The following HTR1F variants were observed in gnomAD, a reference collection of about 807,000 sequenced individuals.
HTR1F encodes 5-hydroxytryptamine (serotonin) receptor 1F, G protein-coupled.
A neutral mutation model predicts 24.0 loss-of-function variants in HTR1F; 17 were observed. The ratio of observed to expected loss-of-function variants is 0.71; its 90% CI spans 0.48 to 1.06. The LOEUF (loss-of-function observed/expected upper bound fraction) is 1.06, where lower values mean the gene tolerates loss of function less well. HTR1F is among the 50% of genes least tolerant of loss of function. HTR1F has a pLI of 0.00. For missense variants in HTR1F, 391 were observed against 427.8 expected (o/e 0.91, Z 0.76); for synonymous variants, 186 against 156.8 (o/e 1.19, Z -1.39).
chr3:87,947,104 T>A (rs919531035), intron 2 of HTR1F, among the ~76,000 whole-genome samples: 1 of 152,230 alleles, frequency 6.6e-6, no homozygotes, highest in Non-Finnish European at 1.5e-5. Flanking sequence ...ATCTTTGAAT[T>A]CTTATTAAAA....
chr3:87,802,350 C>A lies in HTR1F; in HGVS notation c.-160+9508C>A, dbSNP rs551472608. 8.0e-5 allele frequency among the ~76,000 whole-genome samples: 10 copies of A among 125,588 alleles called. No individual in the cohort carries two copies. In the East Asian group the frequency reaches 2.4e-3, roughly 30 times the overall value. 82.4% of individuals were successfully genotyped at this position (125,588 alleles called of 152,430 possible). ...TTCTTTCCCTCTTTCTCTCTTTCTT[C>A]TTTTTTTTGAGACATGGTCTTGTTT... On this transcript the variant is annotated intron_variant, in intron 1 of 2. Coordinates refer to ENST00000319595, the MANE Select transcript of HTR1F (RefSeq NM_001322209.2).
chr3:87,918,475 C>T (rs1413747870), intron 2 of HTR1F, among the ~76,000 whole-genome samples: 1 of 152,028 alleles, frequency 6.6e-6, no homozygotes, highest in Non-Finnish European at 1.5e-5. Context: ...CTAGAAAACC[C>T]TAAAGACTGC....
chr3:87,897,743 A>G (rs1706233671), intron 2 of HTR1F, among the ~76,000 whole-genome samples: 3 of 151,864 alleles, frequency 2.0e-5, no homozygotes, highest in African/African-American at 7.3e-5. Flanking sequence ...TGTTTTATCC[A>G]CTTTTCATGT....
chr3:87,990,757 T>A lies in HTR1F; in HGVS notation c.8T>A (p.Phe3Tyr). ...TCTTTTAAAACAAAGAAAATGGATT[T>A]CTTAAATTCATCTGATCAAAACTTG... MD[F>Y]LNSSDQNLTS... Residue 3 changes from phenylalanine to tyrosine, a missense_variant, in exon 3 of 3, where the codon TTC (phenylalanine) becomes TAC (tyrosine). Phe to Tyr is a conservative substitution (Grantham distance 22, BLOSUM62 3). Transcript: ENST00000319595. The A allele has an allele frequency of 1.2e-6, 2 of 1,607,960 alleles. No homozygotes were observed. The highest frequency in any genetic ancestry group is 1.7e-6 in the Non-Finnish European group (2 of 1,175,392).
At chr3:87,918,134 T>C (rs1703936156) in intron 2 of HTR1F, among the ~76,000 whole-genome samples, 1 of 152,182 alleles carries the variant, frequency 6.6e-6, no homozygotes, top group Non-Finnish European at 1.5e-5. Flanking sequence ...ATTATCTCCA[T>C]AAATGCAGAA....
At chr3:87,937,085 A>C (rs1704440820) in intron 2 of HTR1F, among the ~76,000 whole-genome samples, 1 of 144,012 alleles carries the variant, frequency 6.9e-6, no homozygotes. Flanking sequence ...AAACTACCCA[A>C]AAAAAAAAAA....
intron 2 of HTR1F, among the ~76,000 whole-genome samples, chr3:87,926,848 T>C (rs1005495600): frequency 6.6e-6 from 1 of 152,120 alleles, no homozygotes; most frequent in African/African-American, 2.4e-5. Context: ...CGGTGATAGG[T>C]AAGGTATCCT....
At chr3:87,957,790 C>A (rs1321447306) in intron 2 of HTR1F, among the ~76,000 whole-genome samples, 3 of 151,172 alleles carry the variant, frequency 2.0e-5, no homozygotes, top group Non-Finnish European at 4.4e-5. Context: ...TTTTTTAAAT[C>A]AGTCTAATTA....
intron 2 of HTR1F, among the ~76,000 whole-genome samples, chr3:87,831,330 AATTATTATTATT>A (rs58022545): frequency 0.46 from 65,847 of 142,246 alleles, 17,055 homozygotes; most frequent in South Asian, 0.6. Context: ...GATATTAAGA[AATTATTATTATT>A]ATTATTATTA....
At chr3:87,902,916 C>G (rs1323326849) in intron 2 of HTR1F, among the ~76,000 whole-genome samples, 1 of 151,738 alleles carries the variant, frequency 6.6e-6, no homozygotes, top group Non-Finnish European at 1.5e-5. Context: ...TGTACTGGTA[C>G]CAAAACAGAG....
intron 2 of HTR1F, among the ~76,000 whole-genome samples, chr3:87,886,717 G>C (rs1484131787): frequency 5.9e-5 from 9 of 152,042 alleles, no homozygotes; most frequent in African/African-American, 2.2e-4. Context: ...AATCATGACT[G>C]AACACCCATT....
intron 2 of HTR1F, among the ~76,000 whole-genome samples, chr3:87,911,957 C>T (rs1300888439): frequency 1.7e-4 from 26 of 152,016 alleles, no homozygotes; most frequent in African/African-American, 6.3e-4. Context: ...TGACAGCCAA[C>T]ATCATACCGA....
At chr3:87,853,213 A>C (rs1381229625) in intron 2 of HTR1F, among the ~76,000 whole-genome samples, 1 of 150,040 alleles carries the variant, frequency 6.7e-6, no homozygotes, top group African/African-American at 2.5e-5. Context: ...TCCTCTCCCC[A>C]CTCCCACTCC....
intron 2 of HTR1F, among the ~76,000 whole-genome samples, chr3:87,900,792 C>A (rs567087889): frequency 1.3e-5 from 2 of 152,142 alleles, no homozygotes; most frequent in African/African-American, 4.8e-5. Context: ...TTGCTACTAA[C>A]CAAGACAGCA....
At chr3:87,940,404 C>T (rs1704540507) in intron 2 of HTR1F, among the ~76,000 whole-genome samples, 2 of 152,130 alleles carry the variant, frequency 1.3e-5, no homozygotes, top group South Asian at 2.1e-4. Flanking sequence ...TTCACAGTTG[C>T]TAAAAAGAGA....
At chr3:87,856,655 A>G (rs115463536) in intron 2 of HTR1F, among the ~76,000 whole-genome samples, 17 of 152,270 alleles carry the variant, frequency 1.1e-4, no homozygotes, top group African/African-American at 4.1e-4. Context: ...ACAAACCTTC[A>G]GTTAGTCACT....
chr3:87,979,796 G>A lies in HTR1F; in HGVS notation c.-42-10912G>A, dbSNP rs115963967. On this transcript the variant is annotated intron_variant, in intron 2 of 2. Transcript: ENST00000319595. ...ATCCAGTTACTGCACATAGCCAGGC[G>A]CGCTGGCTGCTGTGGCAGGTCAGGC... is the stretch of plus-strand genomic sequence containing the variant. Among the ~76,000 whole-genome samples, 1,157 of 152,312 alleles carry A rather than the reference G, an allele frequency of 7.6e-3. 17 individuals are homozygous for A. The highest frequency in any genetic ancestry group is 0.026 in the African/African-American group (1,074 of 41,578).
chr3:87,974,378 G>T (rs1172314257), intron 2 of HTR1F, among the ~76,000 whole-genome samples: 1 of 152,088 alleles, frequency 6.6e-6, no homozygotes. Flanking sequence ...TTCCATAGTT[G>T]TTTTGACTGG....
rs1705819611 is a variant in HTR1F at position 87,991,233 on chromosome 3, A to C, written c.484A>C (p.Arg162=). ...TATCTCTATGCCTCCTCTATTCTGGAGGCACCAAGGAACTAGCAGAGATGA... is the reference window on the plus strand; with the variant it reads ...TATCTCTATGCCTCCTCTATTCTGGCGGCACCAAGGAACTAGCAGAGATGA... ...VFISMPPLFW[R]HQGTSRDDEC... is the part of the protein sequence containing the mutation. The change falls in exon 3 of 3, where the codon AGG becomes CGG. Residue 162 remains arginine (R), a synonymous_variant. Coordinates refer to ENST00000319595, the MANE Select transcript of HTR1F (RefSeq NM_001322209.2). The C allele has an allele frequency of 2.5e-6, 4 of 1,613,928 alleles. No homozygotes were observed. The highest frequency in any genetic ancestry group is 1.3e-5 in the African/African-American group (1 of 74,918).
Sources: gnomAD v4.1 joint callset for allele counts (sites outside exome capture counted in the v4.1 genomes callset) on GRCh38, gnomAD v4.1.1 for gene constraint, MANE v1.5 for transcripts, NCBI Gene and HGNC (gene_info 2026-07-23, HGNC 2026-07-21) for gene names.